Variants in MYO6 observed in about 807,000 individuals in gnomAD.
The protein encoded by MYO6 is myosin VI.
MYO6 carries 74 observed loss-of-function variants against 178.7 expected under a neutral mutation model. That is an observed-to-expected ratio of 0.41 (90% CI 0.34 to 0.50). The LOEUF is 0.50. Ranked by LOEUF, MYO6 falls within the 20% of genes least tolerant of loss-of-function variation. MYO6 has a pLI of 0.09. For synonymous variants in MYO6, 477 were observed against 504.6 expected, an observed-to-expected ratio of 0.95 and a Z score of 0.73; for missense variants, 1,330 against 1,547.4, an observed-to-expected ratio of 0.86 and a Z score of 2.36.
chr6:75,805,833 A>G (rs1188910537), intron 1 of MYO6, among the ~76,000 whole-genome samples: 1 of 152,220 alleles, frequency 6.6e-6, no homozygotes, highest in Admixed American at 6.5e-5. Flanking sequence ...ATATGTAGTT[A>G]GAAAGTTAGA....
intron 1 of MYO6, among the ~76,000 whole-genome samples, chr6:75,795,775 A>C (rs1204108787): frequency 6.6e-6 from 1 of 152,250 alleles, no homozygotes; most frequent in Admixed American, 6.5e-5. Flanking sequence ...CTTTAATTTT[A>C]CTAATCCGGC....
intron 7 of MYO6, among the ~76,000 whole-genome samples, chr6:75,837,191 T>G (rs778862871): frequency 9.2e-5 from 14 of 152,244 alleles, no homozygotes; most frequent in Non-Finnish European, 1.3e-4. Flanking sequence ...TGGGATGTAT[T>G]AGGCATTATC....
intron 25 of MYO6, among the ~76,000 whole-genome samples, chr6:75,887,350 A>C (rs1487073614): frequency 2.0e-5 from 3 of 152,198 alleles, no homozygotes; most frequent in Non-Finnish European, 2.9e-5. Flanking sequence ...TGAAATTAAA[A>C]TAAAAGTTGG....
intron 2 of MYO6, among the ~76,000 whole-genome samples, chr6:75,820,525 A>G (rs923484293): frequency 6.6e-6 from 1 of 151,976 alleles, no homozygotes; most frequent in African/African-American, 2.4e-5. Context: ...GCCCACCACC[A>G]TGTCTGGCTA....
In MYO6 at chr6:75,892,689, A is replaced by G. The variant is rs776974068; in HGVS notation, c.3106A>G (p.Arg1036Gly). ...DEAQADLALRRNDGTRPKMTP... is the reference protein window; with the variant it reads ...DEAQADLALRGNDGTRPKMTP... ...GGCCCAGGCCGACCTGGCGCTGCGG[A>G]GGTACTGGGGCCCCTGGGTGGGGTA... Residue 1036 changes from arginine (R) to glycine (G), a missense_variant and splice_region_variant, in exon 28 of 35, where the codon AGA becomes GGA. Arg to Gly is a moderately radical substitution (Grantham distance 125). Around this residue, in one of 3 missense-constraint regions of MYO6, gnomAD observed 601 missense variants for 626.1 expected, o/e 0.96. Transcript: ENST00000369977. 1 of 1,612,028 alleles carries G rather than the reference A, an allele frequency of 6.2e-7. No homozygotes were observed. The highest frequency in any genetic ancestry group is 8.5e-7 in the Non-Finnish European group (1 of 1,179,938).
intron 25 of MYO6, among the ~76,000 whole-genome samples, chr6:75,889,852 G>A (rs954037798): frequency 1.3e-5 from 2 of 152,156 alleles, no homozygotes; most frequent in African/African-American, 4.8e-5. Flanking sequence ...AAAGATAACG[G>A]ACGTATTGCT....
intron 1 of MYO6, among the ~76,000 whole-genome samples, chr6:75,766,012 AGT>A (rs1159981232): frequency 6.6e-6 from 1 of 152,168 alleles, no homozygotes; most frequent in Non-Finnish European, 1.5e-5. Flanking sequence ...TGGGCAACAG[AGT>A]GAGACTCCGT....
intron 3 of MYO6, among the ~76,000 whole-genome samples, chr6:75,825,243 T>C (rs1772338974): frequency 6.6e-6 from 1 of 152,242 alleles, no homozygotes; most frequent in Non-Finnish European, 1.5e-5. Context: ...TGGCACATAA[T>C]GTTCTTCGTG....
chr6:75,796,914 A>T (rs1399584428), intron 1 of MYO6, among the ~76,000 whole-genome samples: 2 of 152,000 alleles, frequency 1.3e-5, no homozygotes, highest in African/African-American at 4.8e-5. Flanking sequence ...AAAGGGCATT[A>T]TTTCATTCTT....
At chr6:75,899,007 T>C (rs188783671) in intron 30 of MYO6, among the ~76,000 whole-genome samples, 1 of 152,224 alleles carries the variant, frequency 6.6e-6, no homozygotes, top group South Asian at 2.1e-4. Flanking sequence ...AAAATCAGTT[T>C]GCTACTATTG....
At position 75,881,917 on chromosome 6, in the gene MYO6, A is replaced by G. The variant is rs191912195; in HGVS notation, c.2416+99A>G. On this transcript the variant is annotated intron_variant, in intron 23 of 34. Transcript: ENST00000369977. ...TCAGAGGTGATGCTGAGCAACAGAG[A>G]CTGAGACTTGTTCACACTGGGTCCC... The G allele has an allele frequency of 1.8e-5, 25 of 1,421,804 alleles. No individual in the cohort carries two copies. In the East Asian group the frequency reaches 5.1e-4, roughly 29 times the overall value. The allele number at this position is 1,421,804 out of a possible 1,614,324, so 88.1% of individuals were successfully genotyped here.
intron 4 of MYO6, among the ~76,000 whole-genome samples, chr6:75,830,017 A>G (rs1583212090): frequency 6.6e-6 from 1 of 152,206 alleles, no homozygotes; most frequent in African/African-American, 2.4e-5. Flanking sequence ...AGGAGATTTC[A>G]TAAGTAGAGT....
At chr6:75,810,439 A>T (rs372401462) in intron 1 of MYO6, among the ~76,000 whole-genome samples, 3 of 152,320 alleles carry the variant, frequency 2.0e-5, no homozygotes, top group East Asian at 3.9e-4. Context: ...GCTGCAAAGA[A>T]TCTGTTTTGT....
At position 75,862,656 on chromosome 6, in the gene MYO6, C is replaced by T. The variant is rs980820643; in HGVS notation, c.1607C>T (p.Pro536Leu). Residue 536 changes from proline to leucine, a missense_variant, in exon 16 of 35, where the codon CCC (proline) becomes CTC (leucine). Physicochemically the swap from Pro to Leu is moderately conservative, Grantham distance 98. Coordinates refer to ENST00000369977, the MANE Select transcript of MYO6 (RefSeq NM_004999.4). ...ATTTTGGATGAAGAAAATCGCCTTC[C>T]CCAGCCAAGTGATCAACACTTTACA... ...LDILDEENRL[P>L]QPSDQHFTSA... 13 of 1,613,806 alleles carry T rather than the reference C, an allele frequency of 8.1e-6. No homozygotes were observed. The highest frequency in any genetic ancestry group is 1.3e-5 in the African/African-American group (1 of 74,862).
Position 75,914,847 on chromosome 6 carries a change from T to G in MYO6, c.3693T>G (p.Leu1231=), listed in dbSNP as rs1427862457. 2 of 1,614,014 alleles carry G rather than the reference T, an allele frequency of 1.2e-6. No individual in the cohort carries two copies. Among genetic ancestry groups the G allele is most frequent in the Non-Finnish European group, 1.7e-6 (2 of 1,179,996 alleles). ...KDDMEMCELN[L]EETGLTRKRG... is the part of the protein sequence containing the mutation. ...ACATGGAGATGTGTGAGCTGAATCT[T>G]GAGGAGACTGGCCTGACTCGGAAGC... The change falls in exon 35 of 35, where the codon CTT becomes CTG. Residue 1231 remains leucine, a synonymous_variant. Coordinates refer to ENST00000369977, the MANE Select transcript of MYO6 (RefSeq NM_004999.4).
chr6:75,914,341 A>G (rs1780993573), intron 34 of MYO6, 60 bp downstream of exon 34: 12 of 1,478,158 alleles, frequency 8.1e-6, no homozygotes, highest in Non-Finnish European at 1.1e-5. Flanking sequence ...AACTCTCTGA[A>G]TGAAACATTC....
At chr6:75,780,896 C>T (rs1419622433) in intron 1 of MYO6, among the ~76,000 whole-genome samples, 5 of 151,866 alleles carry the variant, frequency 3.3e-5, no homozygotes, top group African/African-American at 1.2e-4. Flanking sequence ...CAACCTCCGC[C>T]TCCCAGGTTC....
chr6:75,817,102 G>C (rs1364901273), intron 1 of MYO6, among the ~76,000 whole-genome samples: 2 of 152,068 alleles, frequency 1.3e-5, no homozygotes. Context: ...TCAGGAGATC[G>C]AGACCATCCT....
intron 1 of MYO6, among the ~76,000 whole-genome samples, chr6:75,793,477 G>A (rs539801321): frequency 1.1e-3 from 162 of 152,034 alleles, no homozygotes; most frequent in African/African-American, 3.7e-3. Context: ...GGTGGCGGGC[G>A]CCTGTAATCC....
Sources: gnomAD v4.1 joint callset for allele counts (sites outside exome capture counted in the v4.1 genomes callset) on GRCh38, gnomAD v4.1.1 for gene constraint, gnomAD v4.1.1 regional missense constraint, MANE v1.5 for transcripts, NCBI Gene and HGNC (gene_info 2026-07-23, HGNC 2026-07-21) for gene names.